RBFOX3: variants seen among roughly 807,000 people sequenced by gnomAD.
RBFOX3 encodes the protein RNA binding fox-1 homolog 3, also known as RNA binding protein fox-1 homolog 3.
RBFOX3 carries 17 observed loss-of-function variants against 48.7 expected under a neutral mutation model. The observed-to-expected ratio is 0.35, with a 90% CI of 0.24 to 0.52. RBFOX3 has a LOEUF of 0.52. Among genes scored for constraint, RBFOX3 ranks in the 20% least tolerant of loss-of-function variants. The probability of loss-of-function intolerance (pLI) is 0.94; values close to 1 mark genes in which losing one functional copy is unlikely to be tolerated. For synonymous variants in RBFOX3, 212 were observed against 209.5 expected (o/e 1.01, Z -0.10); for missense variants, 382 against 497.5 (o/e 0.77, Z 2.21).
chr17:79,633,327 C>A, the RBFOX3 span, among the ~76,000 whole-genome samples: 1 of 152,250 alleles, frequency 6.6e-6, no homozygotes, highest in Non-Finnish European at 1.5e-5. Flanking sequence ...TCAGTGCCAG[C>A]GGGCAAGGCC....
At chr17:79,663,623 C>T in the RBFOX3 span, among the ~76,000 whole-genome samples, 1 of 152,228 alleles carries the variant, frequency 6.6e-6, no homozygotes, top group African/African-American at 2.4e-5. Flanking sequence ...GCTCTAGTTT[C>T]ATCTGCAGAC....
intron 2 of RBFOX3, among the ~76,000 whole-genome samples, chr17:79,374,231 G>T (rs906951871): frequency 6.6e-6 from 1 of 152,214 alleles, no homozygotes; most frequent in East Asian, 1.9e-4. Context: ...AGGGAGAGGA[G>T]GGGCTGACGA....
intron 5 of RBFOX3, among the ~76,000 whole-genome samples, chr17:79,112,130 G>A (rs1197416282): frequency 1.3e-5 from 2 of 152,224 alleles, no homozygotes; most frequent in Admixed American, 6.5e-5. Flanking sequence ...TCAGAGGGGA[G>A]GAGCCTTCCT....
rs1184072640 is a variant in RBFOX3 at position 79,299,104 on chromosome 17, A to G, written c.-74+8620T>C. Among the ~76,000 whole-genome samples, 3 of 151,276 alleles carry G rather than the reference A, an allele frequency of 2.0e-5. No individual in the cohort carries two copies. Among genetic ancestry groups the G allele is most frequent in the Non-Finnish European group, 4.4e-5 (3 of 67,918 alleles). On this transcript the variant is annotated intron_variant, in intron 3 of 14. Transcript: ENST00000693108. This position sits in a 1 kb window ranked among gnomAD's most constrained non-coding sequence, Gnocchi z 4.5. Reference sequence around the variant, plus strand: ...CTGGCCTCGGAAATACGGGAGGGACATGGGAAATGAACTAATAAATAAGAG... The same window carrying G: ...CTGGCCTCGGAAATACGGGAGGGACGTGGGAAATGAACTAATAAATAAGAG...
At chr17:79,613,790 A>G (rs1020977740), upstream of RBFOX3, among the ~76,000 whole-genome samples, 162 of 152,340 alleles carry the variant, frequency 1.1e-3, no homozygotes, top group African/African-American at 3.1e-3. Flanking sequence ...CCTGGCCAAC[A>G]TGGTGAAACG....
Position 79,369,077 on chromosome 17 carries a change from G to C in RBFOX3, c.-174-61253C>G, listed in dbSNP as rs145751265. ...CAACCACACCAGCTCTGCCACCCCT[G>C]GACAGCCTGGGGGCATCTGCTCTGA... On this transcript the variant is annotated intron_variant, in intron 2 of 14. Transcript: ENST00000693108. Among the ~76,000 whole-genome samples, 17 of 152,188 alleles carry C rather than the reference G, an allele frequency of 1.1e-4. No individual in the cohort carries two copies. The East Asian group carries it at 2.7e-3, about 24-fold the overall frequency.
At chr17:79,209,139 G>A (rs573109254) in intron 4 of RBFOX3, among the ~76,000 whole-genome samples, 245 of 151,990 alleles carry the variant, frequency 1.6e-3, no homozygotes, top group African/African-American at 5.4e-3. Context: ...CTTTCTGTAC[G>A]TGCCCATTCC....
At chr17:79,106,885 C>CT (rs36122090) in intron 5 of RBFOX3, 97 bp from the exon 6 acceptor site, 33 of 1,253,850 alleles carry the variant, frequency 2.6e-5, no homozygotes, top group African/African-American at 4.1e-5. Flanking sequence ...GCCAGATTCT[C>CT]CCCACCCTTC....
intron 2 of RBFOX3, among the ~76,000 whole-genome samples, chr17:79,339,070 T>A (rs1053637967): frequency 6.6e-6 from 1 of 152,068 alleles, no homozygotes. Context: ...TTTCTTTTTT[T>A]TTTTTAGACA....
intron 4 of RBFOX3, chr17:79,136,158 G>A (rs2040138704): frequency 6.6e-6 from 1 of 152,210 alleles, no homozygotes; most frequent in Admixed American, 6.5e-5. Flanking sequence ...TCGCCCTGGA[G>A]AATCTGTTGT....
chr17:79,645,124 G>T, the RBFOX3 span, among the ~76,000 whole-genome samples: 1 of 152,124 alleles, frequency 6.6e-6, no homozygotes, highest in African/African-American at 2.4e-5. Context: ...GACTCAAGCT[G>T]CCCTTACCGC....
At chr17:79,251,775 T>A (rs951771957) in intron 3 of RBFOX3, among the ~76,000 whole-genome samples, 47 of 152,180 alleles carry the variant, frequency 3.1e-4, no homozygotes, top group Admixed American at 1.0e-3. Context: ...CAGGGAAGGT[T>A]CAAGACCTCT....
intron 3 of RBFOX3, among the ~76,000 whole-genome samples, chr17:79,263,139 C>A (rs1356170420): frequency 1.3e-5 from 2 of 152,196 alleles, no homozygotes; most frequent in Non-Finnish European, 2.9e-5. Flanking sequence ...GCGAAGCCAC[C>A]CTGACCCAAG....
intron 1 of RBFOX3, among the ~76,000 whole-genome samples, chr17:79,543,694 C>T (rs981438496): frequency 4.6e-5 from 7 of 152,324 alleles, no homozygotes; most frequent in Admixed American, 6.5e-5. Flanking sequence ...ATGCTGGGCA[C>T]GTTCCAACCC....
chr17:79,523,504 T>A (rs1467019187), intron 1 of RBFOX3, among the ~76,000 whole-genome samples: 1 of 152,208 alleles, frequency 6.6e-6, no homozygotes, highest in Non-Finnish European at 1.5e-5. Context: ...TCCGTGACTC[T>A]TCTTGCGTTC....
At chr17:79,325,534 G>C (rs985838652) in intron 2 of RBFOX3, among the ~76,000 whole-genome samples, 1 of 152,144 alleles carries the variant, frequency 6.6e-6, no homozygotes, top group African/African-American at 2.4e-5. Context: ...ATAGAGACTT[G>C]TCCTTGGAAT....
intron 4 of RBFOX3, among the ~76,000 whole-genome samples, chr17:79,192,390 C>T (rs2054697010): frequency 6.6e-6 from 1 of 152,176 alleles, no homozygotes; most frequent in African/African-American, 2.4e-5. Flanking sequence ...TAATATACAG[C>T]CAACAGAGAC....
intron 5 of RBFOX3, among the ~76,000 whole-genome samples, chr17:79,112,910 G>C (rs1053895837): frequency 7.2e-6 from 1 of 138,366 alleles, no homozygotes; most frequent in African/African-American, 2.7e-5. Context: ...CTCTCGGGGG[G>C]GGGGTGGGCT....
chr17:79,102,190 A>AG (rs1414016534), intron 8 of RBFOX3, among the ~76,000 whole-genome samples: 3 of 152,188 alleles, frequency 2.0e-5, no homozygotes, highest in Non-Finnish European at 4.4e-5. Context: ...TCTGGGCACG[A>AG]AGTCACCTAT....
Sources: gnomAD v4.1 joint callset for allele counts (sites outside exome capture counted in the v4.1 genomes callset) on GRCh38, gnomAD v4.1.1 for gene constraint, Gnocchi (gnomAD v3.1) non-coding constraint, MANE v1.5 for transcripts, NCBI Gene and HGNC (gene_info 2026-07-23, HGNC 2026-07-21) for gene names.